The following HACE1 variants were observed in gnomAD, a reference collection of about 807,000 sequenced individuals.
The protein encoded by HACE1 is E3 ubiquitin-protein ligase HACE1.
A neutral mutation model predicts 118.4 loss-of-function variants in HACE1; 73 were observed. The observed-to-expected ratio is 0.62, with a 90% CI of 0.51 to 0.75. HACE1 has a LOEUF of 0.75. Among genes scored for constraint, HACE1 ranks in the 30% least tolerant of loss-of-function variants. HACE1 has a pLI of 0.00. For missense variants in HACE1, 749 were observed against 1,102.2 expected (o/e 0.68, Z 4.54); for synonymous variants, 368 against 374.8 (o/e 0.98, Z 0.21).
chr6:104,784,912 G>A, intron 12 of HACE1, 73 bp downstream of exon 12: 1 of 968,638 alleles, frequency 1.0e-6, no homozygotes, highest in Middle Eastern at 2.1e-4. Flanking sequence ...TGTTGTTTTT[G>A]AAATTACAAA....
chr6:104,799,354 C>A (rs1002282965), intron 7 of HACE1, among the ~76,000 whole-genome samples: 4 of 152,184 alleles, frequency 2.6e-5, no homozygotes, highest in African/African-American at 9.7e-5. Context: ...TAGGCAAACA[C>A]ACACATAAGG....
rs573853192 is a variant in HACE1, at chr6:104,794,633, T to C, written c.923+946A>G. Among the ~76,000 whole-genome samples the C allele has an allele frequency of 1.1e-4, 16 of 152,352 alleles. No individual in the cohort carries two copies. The South Asian group carries it at 1.2e-3, about 12-fold the overall frequency. ...AAAAATATGTATTTGGCCAGGCGCA[T>C]TGGCGCACGCCTGTAATCCCAGCAC... On this transcript the variant is annotated intron_variant, in intron 10 of 23. Transcript: ENST00000262903.
At chr6:104,750,520 T>A (rs762447119) in intron 19 of HACE1, 48 bp from the exon 20 acceptor site, 4 of 1,507,488 alleles carry the variant, frequency 2.7e-6, no homozygotes, top group Non-Finnish European at 3.7e-6. Context: ...ACCTTTTACA[T>A]ACTTAATGTT....
intron 19 of HACE1, among the ~76,000 whole-genome samples, chr6:104,758,061 T>A (rs1778913628): frequency 1.3e-5 from 2 of 152,050 alleles, no homozygotes; most frequent in South Asian, 2.1e-4. Context: ...AAAGACCAAA[T>A]ATACATTTGA....
intron 19 of HACE1, among the ~76,000 whole-genome samples, chr6:104,756,429 ATAT>A (rs1778682949): frequency 1.4e-5 from 1 of 69,674 alleles, no homozygotes; most frequent in African/African-American, 4.7e-5. Flanking sequence ...AAAAAAAAAT[ATAT>A]ATATATATAT....
intron 19 of HACE1, among the ~76,000 whole-genome samples, chr6:104,769,019 A>T (rs904672754): frequency 2.6e-5 from 4 of 152,100 alleles, no homozygotes; most frequent in Admixed American, 6.6e-5. Context: ...ATAAATATAG[A>T]TATACCTCAT....
At chr6:104,786,499 G>A (rs1247363735) in intron 11 of HACE1, 1 of 150,832 alleles carries the variant, frequency 6.6e-6, no homozygotes, top group Non-Finnish European at 1.5e-5. Flanking sequence ...AGTTACTGAG[G>A]AGGTTGAAGG....
At chr6:104,846,866 C>G (rs894156252) in intron 4 of HACE1, among the ~76,000 whole-genome samples, 1 of 152,114 alleles carries the variant, frequency 6.6e-6, no homozygotes, top group Non-Finnish European at 1.5e-5. Context: ...ATAATAAAAA[C>G]CAAAATATTT....
chr6:104,765,025 A>T (rs919733393), intron 19 of HACE1, among the ~76,000 whole-genome samples: 4 of 152,236 alleles, frequency 2.6e-5, no homozygotes, highest in Non-Finnish European at 5.9e-5. Context: ...CACTGATGCT[A>T]GCAGTCTATG....
chr6:104,772,996 T>C (rs1404371148), intron 17 of HACE1, among the ~76,000 whole-genome samples: 1 of 151,762 alleles, frequency 6.6e-6, no homozygotes, highest in Non-Finnish European at 1.5e-5. Context: ...TTCAATAATA[T>C]AAATGGTAAA....
At chr6:104,852,780 T>C (rs538832186) in intron 1 of HACE1, among the ~76,000 whole-genome samples, 2 of 152,220 alleles carry the variant, frequency 1.3e-5, no homozygotes, top group Non-Finnish European at 2.9e-5. Context: ...CATCATGTTT[T>C]ATCATACTTA....
chr6:104,759,341 C>T (rs1779072545), intron 19 of HACE1, among the ~76,000 whole-genome samples: 1 of 152,180 alleles, frequency 6.6e-6, no homozygotes, highest in African/African-American at 2.4e-5. Context: ...GAAATCACAA[C>T]AAACTGTCTC....
chr6:104,855,537 G>A (rs1282959188), intron 1 of HACE1, among the ~76,000 whole-genome samples: 1 of 151,956 alleles, frequency 6.6e-6, no homozygotes, highest in Non-Finnish European at 1.5e-5. Flanking sequence ...GTCTACAATA[G>A]AATACTATTC....
At chr6:104,831,996 A>AAGAG (rs1774024517) in intron 6 of HACE1, among the ~76,000 whole-genome samples, 4 of 122,182 alleles carry the variant, frequency 3.3e-5, no homozygotes, top group South Asian at 2.7e-4. Context: ...GGAAGGAAGG[A>AAGAG]AGGAAGGAAG....
chr6:104,739,987 C>A (rs1224785924), intron 22 of HACE1, among the ~76,000 whole-genome samples: 1 of 151,772 alleles, frequency 6.6e-6, no homozygotes, highest in Non-Finnish European at 1.5e-5. Context: ...ACAGTGCAAT[C>A]AAACTAGAAC....
At chr6:104,752,996 AAG>A (rs1343079758) in intron 19 of HACE1, among the ~76,000 whole-genome samples, 1 of 152,196 alleles carries the variant, frequency 6.6e-6, no homozygotes, top group Non-Finnish European at 1.5e-5. Context: ...TCAGTAATAT[AAG>A]AGTTTTTCAA....
intron 22 of HACE1, among the ~76,000 whole-genome samples, chr6:104,736,850 A>C (rs896989656): frequency 8.5e-5 from 13 of 152,250 alleles, no homozygotes; most frequent in African/African-American, 2.9e-4. Context: ...GACTAAAAAA[A>C]ATAAGCAAAA....
In HACE1 at chr6:104,771,947, T is replaced by A. The variant is rs776598443; in HGVS notation, c.1992A>T (p.Arg664=). ...HRQLVNIYFT[R]SFYKHILGIP... ...TACCAAGAATGTGCTTGTAGAAGGA[T>A]CGTGTGAAGTAAATATTGACCAGCT... Residue 664 remains arginine, a synonymous_variant, in exon 18 of 24, where the codon CGA becomes CGT. Coordinates refer to ENST00000262903, the MANE Select transcript of HACE1 (RefSeq NM_020771.4). 6.2e-7 allele frequency: 1 copy of A among 1,605,998 alleles called. No individual in the cohort carries two copies. Among genetic ancestry groups the A allele is most frequent in the South Asian group, 1.1e-5 (1 of 90,846 alleles).
intron 6 of HACE1, among the ~76,000 whole-genome samples, chr6:104,819,337 G>A (rs6927111): frequency 0.17 from 26,437 of 151,998 alleles, 2,485 homozygotes; most frequent in African/African-American, 0.25. Context: ...GTAGGGAGGC[G>A]AAAGATCTCT....
Sources: gnomAD v4.1 joint callset for allele counts (sites outside exome capture counted in the v4.1 genomes callset) on GRCh38, gnomAD v4.1.1 for gene constraint, MANE v1.5 for transcripts, NCBI Gene and HGNC (gene_info 2026-07-23, HGNC 2026-07-21) for gene names.